GRID2: variants seen among roughly 807,000 people sequenced by gnomAD.
The protein encoded by GRID2 is glutamate receptor ionotropic, delta-2.
In GRID2, 33 loss-of-function variants were observed where a neutral mutation model predicts 114.8. The ratio of observed to expected loss-of-function variants is 0.29; its 90% CI spans 0.22 to 0.38. GRID2 has a LOEUF of 0.38. Among genes scored for constraint, GRID2 ranks in the 10% least tolerant of loss-of-function variants. The probability of loss-of-function intolerance (pLI) is 1.00; values close to 1 mark genes in which losing one functional copy is unlikely to be tolerated. For missense variants in GRID2, 1,184 were observed against 1,257.7 expected (o/e 0.94, Z 0.89); for synonymous variants, 505 against 449.9 (o/e 1.12, Z -1.55).
At chr4:92,807,391 A>ATATT (rs1740470911) in intron 2 of GRID2, among the ~76,000 whole-genome samples, 1 of 151,960 alleles carries the variant, frequency 6.6e-6, no homozygotes, top group Admixed American at 6.6e-5. Flanking sequence ...TATTTTTAAT[A>ATATT]TATTTTCTTT....
chr4:92,602,505 C>T (rs1053661866), intron 2 of GRID2, among the ~76,000 whole-genome samples: 1 of 152,126 alleles, frequency 6.6e-6, no homozygotes, highest in African/African-American at 2.4e-5. Context: ...ATCCAACATC[C>T]CTTCATGTTA....
At chr4:93,027,698 A>G (rs967366491) in intron 2 of GRID2, among the ~76,000 whole-genome samples, 11 of 152,134 alleles carry the variant, frequency 7.2e-5, no homozygotes, top group African/African-American at 2.7e-4. Context: ...TCAAATTTAA[A>G]TTGAGATTTA....
chr4:92,603,981 CAAT>C (rs143497883), intron 2 of GRID2, among the ~76,000 whole-genome samples: 10,751 of 151,986 alleles, frequency 0.071, 485 homozygotes, highest in Middle Eastern at 0.14. Context: ...ATCAAAACAA[CAAT>C]GAGATACTAT....
intron 13 of GRID2, among the ~76,000 whole-genome samples, chr4:93,589,223 C>T (rs1275047041): frequency 9.7e-5 from 13 of 134,642 alleles, no homozygotes; most frequent in African/African-American, 3.1e-4. Flanking sequence ...CACAACAGTC[C>T]CCAGTGTGTG....
chr4:92,707,128 A>G (rs967682523), intron 2 of GRID2, among the ~76,000 whole-genome samples: 3 of 152,186 alleles, frequency 2.0e-5, no homozygotes, highest in South Asian at 2.1e-4. Flanking sequence ...GCTAAGTTAC[A>G]TGTCTATAAG....
intron 1 of GRID2, among the ~76,000 whole-genome samples, chr4:92,566,908 A>C (rs1727365147): frequency 6.6e-6 from 1 of 151,960 alleles, no homozygotes; most frequent in Non-Finnish European, 1.5e-5. Flanking sequence ...AAAGTTTTTG[A>C]ATCTTATATC....
At chr4:92,870,100 CTG>C (rs1745163920) in intron 2 of GRID2, among the ~76,000 whole-genome samples, 1 of 151,758 alleles carries the variant, frequency 6.6e-6, no homozygotes, top group African/African-American at 2.4e-5. Flanking sequence ...ACTTGGAAGA[CTG>C]AGGCAGGAGG....
At chr4:92,580,369 A>C (rs920574037) in intron 1 of GRID2, among the ~76,000 whole-genome samples, 1 of 151,162 alleles carries the variant, frequency 6.6e-6, no homozygotes, top group African/African-American at 2.4e-5. Context: ...CAGAGTTAAT[A>C]AATTATGAAG....
chr4:93,445,812 T>A (rs116486285), intron 10 of GRID2, among the ~76,000 whole-genome samples: 2,106 of 152,182 alleles, frequency 0.014, 15 homozygotes, highest in South Asian at 0.055. Flanking sequence ...ATTTTTAAAA[T>A]TTTTGAAATA....
intron 1 of GRID2, among the ~76,000 whole-genome samples, chr4:92,346,471 C>T (rs574286292): frequency 3.3e-5 from 5 of 152,188 alleles, no homozygotes; most frequent in African/African-American, 1.2e-4. Context: ...CTCAACTGCT[C>T]TTCCCACCTC....
At chr4:93,689,772 T>A (rs72873090) in intron 14 of GRID2, among the ~76,000 whole-genome samples, 149 of 152,250 alleles carry the variant, frequency 9.8e-4, no homozygotes, top group African/African-American at 3.4e-3. Context: ...ACTAAGATAT[T>A]TTAAATGATT....
chr4:92,453,759 C>T (rs1721068464), intron 1 of GRID2, among the ~76,000 whole-genome samples: 1 of 152,040 alleles, frequency 6.6e-6, no homozygotes, highest in Admixed American at 6.6e-5. Context: ...TTTAATTTTC[C>T]TCTCAAATAT....
intron 11 of GRID2, 127 bp downstream of exon 11, chr4:93,456,101 G>C (rs567170609): frequency 3.2e-6 from 2 of 630,174 alleles, no homozygotes; most frequent in Admixed American, 5.6e-5. Context: ...TCACAGAAAT[G>C]CTCAGAAAAG....
intron 8 of GRID2, among the ~76,000 whole-genome samples, chr4:93,323,749 A>G (rs1757509030): frequency 6.6e-6 from 1 of 152,042 alleles, no homozygotes. Flanking sequence ...GTTCTCCTTG[A>G]AGAGGTCCTT....
chr4:93,136,253 TG>T (rs1347649529), intron 4 of GRID2, among the ~76,000 whole-genome samples: 3 of 151,552 alleles, frequency 2.0e-5, no homozygotes, highest in Admixed American at 6.6e-5. Context: ...TGTGTGTGTG[TG>T]TGTGTGTGTG....
intron 13 of GRID2, among the ~76,000 whole-genome samples, chr4:93,521,660 G>A (rs751648390): frequency 2.0e-5 from 3 of 151,996 alleles, no homozygotes; most frequent in African/African-American, 4.8e-5. Flanking sequence ...TAAAAGAGAG[G>A]ATGTGGAGAT....
intron 1 of GRID2, among the ~76,000 whole-genome samples, chr4:92,339,260 T>C (rs1560575132): frequency 6.6e-6 from 1 of 152,174 alleles, no homozygotes; most frequent in African/African-American, 2.4e-5. Flanking sequence ...TCCATTATGC[T>C]GTTCTATCTA....
chr4:93,793,738 C>T (rs992745100), intron 1 of GRID2, among the ~76,000 whole-genome samples: 3 of 152,096 alleles, frequency 2.0e-5, no homozygotes, highest in East Asian at 3.9e-4. Flanking sequence ...AAGAATTTTC[C>T]TGTGTACAAT....
intron 1 of GRID2, among the ~76,000 whole-genome samples, chr4:92,490,065 A>G (rs1298660304): frequency 6.6e-6 from 1 of 152,108 alleles, no homozygotes; most frequent in Non-Finnish European, 1.5e-5. Flanking sequence ...TAATAAAATA[A>G]CTTATTTAAC....
Sources: gnomAD v4.1 joint callset for allele counts (sites outside exome capture counted in the v4.1 genomes callset) on GRCh38, gnomAD v4.1.1 for gene constraint, MANE v1.5 for transcripts, NCBI Gene and HGNC (gene_info 2026-07-23, HGNC 2026-07-21) for gene names.